Variants in PGGT1B observed in about 807,000 individuals in gnomAD.
PGGT1B encodes protein geranylgeranyltransferase type I subunit beta.
A neutral mutation model predicts 46.1 loss-of-function variants in PGGT1B; 30 were observed. The ratio of observed to expected loss-of-function variants is 0.65; its 90% CI spans 0.49 to 0.88. The LOEUF (loss-of-function observed/expected upper bound fraction) is 0.88, where lower values mean the gene tolerates loss of function less well. PGGT1B is among the 40% of genes least tolerant of loss of function. The pLI is 0.00. For synonymous variants in PGGT1B, 170 were observed against 160.0 expected (o/e 1.06, Z -0.47); for missense variants, 376 against 455.9 (o/e 0.82, Z 1.60).
chr5:115,243,858 A>T (rs1164826930), intron 2 of PGGT1B, among the ~76,000 whole-genome samples: 1 of 151,836 alleles, frequency 6.6e-6, no homozygotes, highest in Non-Finnish European at 1.5e-5. Context: ...GCCATTTCTC[A>T]TATATGGGCC....
At chr5:115,233,298 G>A (rs1757054650) in intron 5 of PGGT1B, among the ~76,000 whole-genome samples, 1 of 151,606 alleles carries the variant, frequency 6.6e-6, no homozygotes, top group Middle Eastern at 3.2e-3. Flanking sequence ...GAAATAAAAA[G>A]AGAAATAGTG....
rs752202352 is a variant in PGGT1B at position 115,236,513 on chromosome 5, T to C, written c.489A>G (p.Ala163=). The C allele has an allele frequency of 1.1e-5, 17 of 1,537,834 alleles. No homozygotes were observed. In the East Asian group the frequency reaches 3.5e-4, roughly 32 times the overall value. Residue 163 remains alanine (A), a synonymous_variant, in exon 5 of 9, where the codon GCA becomes GCG. Coordinates refer to ENST00000419445, the MANE Select transcript of PGGT1B (RefSeq NM_005023.4). The part of the protein sequence containing the change: ...ALQLEDGSFC[A]VPEGSENDMR... ...TGTCATTTTCACTGCCTTCAGGTAC[T>C]GCACAAAAACTGAAAATAATAACAA...
At chr5:115,245,195 G>C (rs999677823) in intron 2 of PGGT1B, among the ~76,000 whole-genome samples, 2 of 152,062 alleles carry the variant, frequency 1.3e-5, no homozygotes, top group Non-Finnish European at 2.9e-5. Flanking sequence ...ATTCTGTCAG[G>C]TGTTTTACAT....
Position 115,224,920 on chromosome 5 carries a change from A to G in PGGT1B, c.659-2912T>C, listed in dbSNP as rs565614993. On this transcript the variant is annotated intron_variant, in intron 6 of 8. Coordinates refer to ENST00000419445, the MANE Select transcript of PGGT1B (RefSeq NM_005023.4). ...GGAAGAAAAGAAAAGTGACATTTTG[A>G]TAAGTAGATTACAAAATTCTATTTA... 3.9e-4 allele frequency among the ~76,000 whole-genome samples: 60 copies of G among 152,128 alleles called. 1 individual carries two copies. In the Middle Eastern group the frequency reaches 0.01, roughly 26 times the overall value.
intron 2 of PGGT1B, among the ~76,000 whole-genome samples, chr5:115,243,990 T>C (rs1757427441): frequency 6.6e-6 from 1 of 152,150 alleles, no homozygotes; most frequent in Non-Finnish European, 1.5e-5. Context: ...TCGTCTGCTG[T>C]TCATGTGATT....
chr5:115,234,002 A>G (rs1757086288), intron 5 of PGGT1B, among the ~76,000 whole-genome samples: 1 of 152,016 alleles, frequency 6.6e-6, no homozygotes, highest in Non-Finnish European at 1.5e-5. Flanking sequence ...TATTAATTAC[A>G]GCATTATTTG....
At chr5:115,224,295 C>T (rs541606439) in intron 6 of PGGT1B, among the ~76,000 whole-genome samples, 7 of 152,066 alleles carry the variant, frequency 4.6e-5, no homozygotes, top group Non-Finnish European at 8.8e-5. Context: ...TTCAAACTCC[C>T]GAAAAGTAAA....
rs1756262332 is a variant in PGGT1B, at chr5:115,212,414, A to G, written c.1122T>C (p.His374=). ...AATCTAAAATCAGTCATGTGGAGATATGTACATTCTCTGAGCATTGTTTAG... is the reference window on the plus strand; with the variant it reads ...AATCTAAAATCAGTCATGTGGAGATGTGTACATTCTCTGAGCATTGTTTAG... ...KDSKQCSENV[H]IST is the part of the protein sequence containing the mutation. Residue 374 remains histidine (H), a synonymous_variant, in exon 9 of 9, where the codon CAT becomes CAC. Coordinates refer to ENST00000419445, the MANE Select transcript of PGGT1B (RefSeq NM_005023.4). The G allele has an allele frequency of 1.3e-6, 2 of 1,553,974 alleles. No homozygotes were observed. Among genetic ancestry groups the G allele is most frequent in the Non-Finnish European group, 1.8e-6 (2 of 1,136,276 alleles).
intron 6 of PGGT1B, among the ~76,000 whole-genome samples, chr5:115,222,295 C>T (rs762815674): frequency 6.6e-6 from 1 of 152,130 alleles, no homozygotes; most frequent in African/African-American, 2.4e-5. Context: ...AGATTTGGAA[C>T]TAAAGTCCGG....
chr5:115,237,849 C>T lies in PGGT1B; in HGVS notation c.479+9G>A, dbSNP rs751467708. On this transcript the variant is annotated intron_variant, in intron 4 of 8. Transcript: ENST00000419445. ...TATTACAAAAAAAGTAACAAAGAAT[C>T]ACTCATACCTCCCATCTTCCAGCTG... 9 of 1,593,102 alleles carry T rather than the reference C, an allele frequency of 5.6e-6. No individual in the cohort carries two copies. The highest frequency in any genetic ancestry group is 5.4e-5 in the African/African-American group (4 of 73,404).
rs59252027 is a variant in PGGT1B, at chr5:115,246,355, C to CA, written c.260-4750dup. Among the ~76,000 whole-genome samples the CA allele has an allele frequency of 9.6e-3, 1,139 of 118,546 alleles. 8 individuals carry two copies. The highest frequency in any genetic ancestry group is 0.023 in the Middle Eastern group (5 of 222). The allele number at this position is 118,546 out of a possible 152,430, so 77.8% of individuals were successfully genotyped here. On this transcript the variant is annotated intron_variant, in intron 2 of 8. Coordinates refer to ENST00000419445, the MANE Select transcript of PGGT1B (RefSeq NM_005023.4). ...TGGGTGACAGAATGATACTCCATTT[C>CA]AAAAAAAAAAAAAAAATTCACCACT...
chr5:115,221,327 G>T (rs1339276153), intron 7 of PGGT1B, among the ~76,000 whole-genome samples: 3 of 151,844 alleles, frequency 2.0e-5, no homozygotes, highest in Non-Finnish European at 4.4e-5. Context: ...AGTAGAGATG[G>T]GAAAAAATGT....
intron 2 of PGGT1B, among the ~76,000 whole-genome samples, chr5:115,248,815 G>A (rs569281845): frequency 6.9e-4 from 105 of 152,230 alleles, no homozygotes; most frequent in African/African-American, 2.4e-3. Flanking sequence ...ATCACTTTGC[G>A]TCTCAGTTTC....
chr5:115,252,013 C>A (rs1748122989), intron 2 of PGGT1B, among the ~76,000 whole-genome samples: 1 of 152,052 alleles, frequency 6.6e-6, no homozygotes, highest in African/African-American at 2.4e-5. Context: ...GCCACATGCT[C>A]CTGGAAAATG....
Position 115,212,228 on chromosome 5 carries a change from T to C in PGGT1B, c.*174A>G. The C allele has an allele frequency of 8.5e-7, 1 of 1,172,140 alleles. No homozygotes were observed. The allele number at this position is 1,172,140 out of a possible 1,614,324, so 72.6% of individuals were successfully genotyped here. A position where few individuals can be genotyped will look rare whatever the true frequency, so the allele number is the denominator to read the frequency against. On this transcript the variant is annotated 3_prime_UTR_variant, in exon 9 of 9. Transcript: ENST00000419445. ...GTTCAAACTTCAACAAAGATTTTCT[T>C]GAAACCCAGTATAAAGATTACTGGC...
chr5:115,256,210 C>T (rs939592490), intron 1 of PGGT1B, among the ~76,000 whole-genome samples: 8 of 152,254 alleles, frequency 5.3e-5, no homozygotes, highest in African/African-American at 1.4e-4. Flanking sequence ...GTAAAAGCCA[C>T]GGCTGCTGCT....
intron 1 of PGGT1B, among the ~76,000 whole-genome samples, chr5:115,254,186 T>C (rs1321907398): frequency 6.6e-6 from 1 of 152,042 alleles, no homozygotes; most frequent in Non-Finnish European, 1.5e-5. Flanking sequence ...ATGTAATAAA[T>C]TTACTTCTCT....
At position 115,225,119 on chromosome 5, in the gene PGGT1B, G is replaced by A. The variant is rs1756726509; in HGVS notation, c.659-3111C>T. The stretch of plus-strand genomic sequence containing the variant: ...GAATTCATCAAGAAAAGGTGAAACT[G>A]TGCTCATTATGCCTTAGTTGAAGAC... On this transcript the variant is annotated intron_variant, in intron 6 of 8. Transcript: ENST00000419445. 2.0e-5 allele frequency among the ~76,000 whole-genome samples: 3 copies of A among 152,106 alleles called. No homozygotes were observed. The South Asian group carries it at 6.2e-4, about 32-fold the overall frequency.
At chr5:115,247,476 T>C (rs1747904758) in intron 2 of PGGT1B, among the ~76,000 whole-genome samples, 1 of 152,194 alleles carries the variant, frequency 6.6e-6, no homozygotes, top group African/African-American at 2.4e-5. Context: ...TTAAAAGTTT[T>C]TGCCCTAAGC....
Sources: gnomAD v4.1 joint callset for allele counts (sites outside exome capture counted in the v4.1 genomes callset) on GRCh38, gnomAD v4.1.1 for gene constraint, MANE v1.5 for transcripts, NCBI Gene and HGNC (gene_info 2026-07-23, HGNC 2026-07-21) for gene names.